Variants in DOCK3 observed in about 807,000 individuals in gnomAD.
DOCK3 encodes the protein dedicator of cytokinesis 3.
Under a neutral mutation model 265.6 loss-of-function variants are expected in DOCK3, and 60 were observed. That is an observed-to-expected ratio of 0.23 (90% CI 0.18 to 0.28). The LOEUF (loss-of-function observed/expected upper bound fraction) is 0.28, where lower values mean the gene tolerates loss of function less well. Ranked by LOEUF, DOCK3 falls within the 10% of genes least tolerant of loss-of-function variation. The pLI, the probability that DOCK3 is intolerant of heterozygous loss-of-function variation, is 1.00. For missense variants in DOCK3, 1,981 were observed against 2,594.3 expected (o/e 0.76, Z 5.14); for synonymous variants, 881 against 938.0 (o/e 0.94, Z 1.11).
chr3:51,213,773 G>T (rs561257208), intron 13 of DOCK3, among the ~76,000 whole-genome samples: 1 of 152,170 alleles, frequency 6.6e-6, no homozygotes, highest in South Asian at 2.1e-4. Flanking sequence ...ATTTCTCTAG[G>T]TTCCTAAATA....
chr3:50,835,568 T>G (rs1044466222), intron 2 of DOCK3, among the ~76,000 whole-genome samples: 1 of 152,220 alleles, frequency 6.6e-6, no homozygotes, highest in Middle Eastern at 3.2e-3. Context: ...CCTCATATCC[T>G]ACATAGAACA....
intron 27 of DOCK3, among the ~76,000 whole-genome samples, chr3:51,307,349 T>C (rs576776291): frequency 6.6e-6 from 1 of 152,272 alleles, no homozygotes; most frequent in East Asian, 1.9e-4. Context: ...ACTCCTGGCC[T>C]CAAGTGATCC....
chr3:50,737,991 G>C (rs1297902204), intron 1 of DOCK3, among the ~76,000 whole-genome samples: 1 of 152,096 alleles, frequency 6.6e-6, no homozygotes, highest in African/African-American at 2.4e-5. Context: ...CTTGTCTTCT[G>C]TGCATTTGAA....
chr3:51,203,227 T>A (rs1181741061), intron 12 of DOCK3, among the ~76,000 whole-genome samples: 1 of 152,146 alleles, frequency 6.6e-6, no homozygotes, highest in African/African-American at 2.4e-5. Context: ...GAAGTCAAAT[T>A]GTCCCTGTTT....
intron 5 of DOCK3, among the ~76,000 whole-genome samples, chr3:51,054,140 A>G (rs1295823440): frequency 6.6e-6 from 1 of 151,574 alleles, no homozygotes; most frequent in East Asian, 1.9e-4. Context: ...AAAAAAAAAA[A>G]AAAAAAGAGT....
rs540556908 is a variant in DOCK3, at chr3:50,914,888, C to T, written c.219-19093C>T. Among the ~76,000 whole-genome samples the T allele has an allele frequency of 5.9e-5, 9 of 152,110 alleles. No homozygotes were observed. The South Asian group carries it at 1.9e-3, about 32-fold the overall frequency. On this transcript the variant is annotated intron_variant, in intron 4 of 52. Transcript: ENST00000266037. ...CTCTTGGTGTCATGTTTGACATGGC[C>T]TACAAGCATTTGCAGTGGTGCTGGG...
At chr3:51,325,861 A>G (rs982902851) in intron 32 of DOCK3, among the ~76,000 whole-genome samples, 4 of 152,274 alleles carry the variant, frequency 2.6e-5, no homozygotes, top group South Asian at 2.1e-4. Flanking sequence ...GAGCTGAACA[A>G]TGAGAACACA....
At chr3:51,315,978 A>C (rs1343845322) in intron 32 of DOCK3, among the ~76,000 whole-genome samples, 1 of 152,240 alleles carries the variant, frequency 6.6e-6, no homozygotes, top group African/African-American at 2.4e-5. Context: ...TAGACCAGGC[A>C]AACAGTAATT....
chr3:51,296,504 T>C (rs1234953254), intron 27 of DOCK3, among the ~76,000 whole-genome samples: 1 of 144,882 alleles, frequency 6.9e-6, no homozygotes, highest in Non-Finnish European at 1.5e-5. Context: ...TGAGATGGAG[T>C]CTTGCTCTGT....
At position 51,171,069 on chromosome 3, in the gene DOCK3, T is replaced by A. The variant is rs2086654659; in HGVS notation, c.1037+10367T>A. Among the ~76,000 whole-genome samples, 3 of 152,298 alleles carry A rather than the reference T, an allele frequency of 2.0e-5. No individual in the cohort carries two copies. The South Asian group carries it at 6.2e-4, about 32-fold the overall frequency. ...CATTTATTTTTGCCCTAACTTTCAT[T>A]ATTTTCTTCCTTTTGTTAACTTTGA... On this transcript the variant is annotated intron_variant, in intron 12 of 52. Transcript: ENST00000266037.
intron 27 of DOCK3, among the ~76,000 whole-genome samples, chr3:51,281,271 T>TAA (rs1490763059): frequency 1.1e-4 from 10 of 88,904 alleles, no homozygotes; most frequent in African/African-American, 4.9e-4. Flanking sequence ...GCTGATGAGC[T>TAA]AAAATATATA....
chr3:51,020,113 C>T (rs973559224), intron 5 of DOCK3, among the ~76,000 whole-genome samples: 7 of 151,878 alleles, frequency 4.6e-5, no homozygotes, highest in Non-Finnish European at 1.5e-5. Flanking sequence ...TCGTTTTTCT[C>T]TGCAACCTCG....
chr3:50,988,302 C>A (rs890805784), intron 5 of DOCK3, among the ~76,000 whole-genome samples: 2 of 152,170 alleles, frequency 1.3e-5, no homozygotes, highest in African/African-American at 4.8e-5. Flanking sequence ...TCCCAGATCC[C>A]ACTCCTCACT....
intron 9 of DOCK3, among the ~76,000 whole-genome samples, chr3:51,142,287 A>T (rs1287141840): frequency 6.6e-6 from 1 of 152,146 alleles, no homozygotes; most frequent in Non-Finnish European, 1.5e-5. Context: ...TTTAATGCAT[A>T]GTTCAGTGAG....
chr3:50,713,835 A>G (rs2036928883), intron 1 of DOCK3, among the ~76,000 whole-genome samples: 1 of 152,142 alleles, frequency 6.6e-6, no homozygotes, highest in African/African-American at 2.4e-5. Context: ...GATGTTAGTC[A>G]GGTAAAGTTA....
At chr3:50,725,707 C>T (rs1325731716) in intron 1 of DOCK3, among the ~76,000 whole-genome samples, 1 of 152,148 alleles carries the variant, frequency 6.6e-6, no homozygotes, top group East Asian at 1.9e-4. Flanking sequence ...GTATGGTTTG[C>T]TGGTGCCAGA....
intron 1 of DOCK3, among the ~76,000 whole-genome samples, chr3:50,762,643 T>C (rs1220612418): frequency 6.6e-6 from 1 of 152,196 alleles, no homozygotes. Flanking sequence ...TTATAAAGCA[T>C]TCAGTTTTTC....
chr3:51,306,959 A>G (rs1025217543), intron 27 of DOCK3, among the ~76,000 whole-genome samples: 1 of 151,962 alleles, frequency 6.6e-6, no homozygotes, highest in East Asian at 1.9e-4. Context: ...ATTTTTTTAT[A>G]TCTTATAATA....
chr3:50,709,741 A>T (rs1270485135), intron 1 of DOCK3, among the ~76,000 whole-genome samples: 1 of 152,132 alleles, frequency 6.6e-6, no homozygotes, highest in Non-Finnish European at 1.5e-5. Flanking sequence ...CAGGAGAATC[A>T]CTTGAACCCG....
Sources: allele counts gnomAD v4.1 joint callset (sites outside exome capture counted in the v4.1 genomes callset), GRCh38; gene constraint gnomAD v4.1.1; transcripts MANE v1.5; gene names NCBI Gene and HGNC (gene_info 2026-07-23, HGNC 2026-07-21).